The following EYS variants were observed in gnomAD, a reference collection of about 807,000 sequenced individuals.
The protein encoded by EYS is protein eyes shut homolog.
In EYS, 250 loss-of-function variants were observed where a neutral mutation model predicts 282.1. The ratio of observed to expected loss-of-function variants is 0.89; its 90% CI spans 0.80 to 0.98. The LOEUF (loss-of-function observed/expected upper bound fraction) is 0.98, where lower values mean the gene tolerates loss of function less well. EYS is among the 50% of genes least tolerant of loss of function. The probability of loss-of-function intolerance (pLI) is 0.00; values close to 1 mark genes in which losing one functional copy is unlikely to be tolerated. For synonymous variants in EYS, 1,355 were observed against 1,282.9 expected, an observed-to-expected ratio of 1.06 and a Z score of -1.20; for missense variants, 4,016 against 3,709.0, an observed-to-expected ratio of 1.08 and a Z score of -2.15.
At chr6:65,234,594 T>C (rs1766873690) in intron 12 of EYS, among the ~76,000 whole-genome samples, 1 of 152,158 alleles carries the variant, frequency 6.6e-6, no homozygotes, top group African/African-American at 2.4e-5. Context: ...ATTTAACATC[T>C]CCTTTCTTAC....
intron 2 of EYS, among the ~76,000 whole-genome samples, chr6:65,500,773 T>C (rs540592450): frequency 7.2e-5 from 11 of 152,050 alleles, no homozygotes; most frequent in Non-Finnish European, 1.3e-4. Flanking sequence ...CTCCCAGGTT[T>C]ATATAATCCT....
chr6:64,615,308 A>G (rs1226316620), intron 24 of EYS, among the ~76,000 whole-genome samples: 2 of 152,222 alleles, frequency 1.3e-5, no homozygotes, highest in Admixed American at 1.3e-4. Flanking sequence ...TTCTTTTAAT[A>G]TCCCATTTGC....
At chr6:64,781,361 G>A (rs1170877314) in intron 22 of EYS, among the ~76,000 whole-genome samples, 2 of 152,082 alleles carry the variant, frequency 1.3e-5, no homozygotes, top group Non-Finnish European at 2.9e-5. Context: ...GGCAGACAAG[G>A]TTGAGGCTCA....
At position 64,046,099 on chromosome 6, in the gene EYS, TATA is replaced by T. The variant is rs769857257; in HGVS notation, c.6725+20236_6725+20238del. 1.7e-4 allele frequency among the ~76,000 whole-genome samples: 25 copies of T among 148,284 alleles called. No individual in the cohort carries two copies. The East Asian group carries it at 1.9e-3, about 12-fold the overall frequency. ...AATAAATATCTTACATATATTTACA[TATA>T]ATTACATATGTAATGTATTTAAATA... On this transcript the variant is annotated intron_variant, in intron 33 of 42. Transcript: ENST00000503581.
At chr6:64,416,026 G>A (rs914997261) in intron 28 of EYS, among the ~76,000 whole-genome samples, 2 of 152,108 alleles carry the variant, frequency 1.3e-5, no homozygotes, top group Non-Finnish European at 2.9e-5. Context: ...AAAGCTGCTC[G>A]TGTGCTATTC....
chr6:64,737,754 A>G (rs921548640), intron 22 of EYS, among the ~76,000 whole-genome samples: 5 of 152,190 alleles, frequency 3.3e-5, no homozygotes, highest in African/African-American at 9.6e-5. Context: ...GAGTTCAGGA[A>G]GACTCAGATC....
At position 64,902,176 on chromosome 6, in the gene EYS, T is replaced by G. The variant is rs1448337761; in HGVS notation, c.2783A>C (p.Glu928Ala). 6 of 1,550,824 alleles carry G rather than the reference T, an allele frequency of 3.9e-6. No homozygotes were observed. In the East Asian group the frequency reaches 1.5e-4, roughly 38 times the overall value. ...PGFSGSLCEI[E>A]INECSSEPCK... The stretch of plus-strand genomic sequence containing the variant: ...AGGTTCAGAGGAACATTCATTAATT[T>G]CAATTTCACACAGAGATCCAGAAAA... Residue 928 changes from glutamate (E) to alanine (A), a missense_variant, in exon 18 of 43, where the codon GAA (glutamate) becomes GCA (alanine). By Grantham distance (107) the Glu-to-Ala change is moderately radical. Transcript: ENST00000503581.
At chr6:64,922,175 C>CTCTCACACACATACACA (rs1216798649) in intron 15 of EYS, among the ~76,000 whole-genome samples, 1 of 152,136 alleles carries the variant, frequency 6.6e-6, no homozygotes, top group African/African-American at 2.4e-5. Context: ...TCTCCCACCT[C>CTCTCACACACATACACA]TGTCACACAC....
At chr6:65,511,012 G>A (rs967581040) in intron 2 of EYS, among the ~76,000 whole-genome samples, 39 of 152,220 alleles carry the variant, frequency 2.6e-4, no homozygotes, top group African/African-American at 7.2e-4. Context: ...AAGAATTTGT[G>A]AATAGGAATT....
intron 12 of EYS, among the ~76,000 whole-genome samples, chr6:65,138,581 T>TAATC (rs1325519923): frequency 6.6e-6 from 1 of 152,060 alleles, no homozygotes; most frequent in African/African-American, 2.4e-5. Flanking sequence ...GACTAGCTAG[T>TAATC]AATCCTAGGA....
intron 2 of EYS, among the ~76,000 whole-genome samples, chr6:65,627,603 G>A (rs984025217): frequency 4.6e-5 from 7 of 152,168 alleles, no homozygotes; most frequent in African/African-American, 1.2e-4. Context: ...CTGGAGTTCC[G>A]GGTGGGCGTG....
At chr6:64,721,796 C>A (rs1583078727) in intron 22 of EYS, among the ~76,000 whole-genome samples, 1 of 152,054 alleles carries the variant, frequency 6.6e-6, no homozygotes, top group East Asian at 1.9e-4. Flanking sequence ...ACATTGAAAT[C>A]TTGGTTTTAG....
rs74690003 is a variant in EYS at position 65,456,641 on chromosome 6, T to C, written c.862+33953A>G. On this transcript the variant is annotated intron_variant, in intron 5 of 42. Transcript: ENST00000503581. Reference sequence around the variant, plus strand: ...ATAAATACATGTGATACATATCCCATTAACAGAAAGACAAAAGCATATGAT... The same window carrying C: ...ATAAATACATGTGATACATATCCCACTAACAGAAAGACAAAAGCATATGAT... Among the ~76,000 whole-genome samples, 16 of 152,092 alleles carry C rather than the reference T, an allele frequency of 1.1e-4. No homozygotes were observed. In the East Asian group the frequency reaches 2.9e-3, roughly 28 times the overall value.
intron 19 of EYS, among the ~76,000 whole-genome samples, chr6:64,837,354 C>G (rs1765411041): frequency 6.6e-6 from 1 of 151,154 alleles, no homozygotes; most frequent in Non-Finnish European, 1.5e-5. Flanking sequence ...TCATATATGA[C>G]AAAGCCATAG....
chr6:64,746,781 T>G (rs2149965819), intron 22 of EYS, among the ~76,000 whole-genome samples: 1 of 152,368 alleles, frequency 6.6e-6, no homozygotes, highest in African/African-American at 2.4e-5. Context: ...CATCCATCAC[T>G]AATAATCCTG....
chr6:64,632,519 TAAACC>T (rs948346496), intron 22 of EYS, among the ~76,000 whole-genome samples: 5 of 17,302 alleles, frequency 2.9e-4, no homozygotes, highest in Non-Finnish European at 5.2e-4. Flanking sequence ...GGAATAACCA[TAAACC>T]AAACCAAACC....
intron 31 of EYS, among the ~76,000 whole-genome samples, chr6:64,172,284 T>C (rs181258769): frequency 2.0e-5 from 3 of 152,022 alleles, no homozygotes; most frequent in Admixed American, 6.6e-5. Flanking sequence ...CAAAATACAG[T>C]ATACATAATT....
chr6:65,432,245 T>A (rs2150385074), intron 5 of EYS, among the ~76,000 whole-genome samples: 1 of 152,244 alleles, frequency 6.6e-6, no homozygotes, highest in South Asian at 2.1e-4. Context: ...ATATGAAACA[T>A]AAAATTATTG....
chr6:65,046,981 T>C (rs1773121641), intron 13 of EYS, among the ~76,000 whole-genome samples: 1 of 151,888 alleles, frequency 6.6e-6, no homozygotes, highest in African/African-American at 2.4e-5. Flanking sequence ...CCTCTTGCCA[T>C]GCAATGTGAA....
Sources: gnomAD v4.1 joint callset for allele counts (sites outside exome capture counted in the v4.1 genomes callset) on GRCh38, gnomAD v4.1.1 for gene constraint, MANE v1.5 for transcripts, NCBI Gene and HGNC (gene_info 2026-07-23, HGNC 2026-07-21) for gene names.